PEX2: variants seen among roughly 807,000 people sequenced by gnomAD.
PEX2 encodes the protein peroxisomal biogenesis factor 2.
Under a neutral mutation model 25.2 loss-of-function variants are expected in PEX2, and 19 were observed. The ratio of observed to expected loss-of-function variants is 0.75; its 90% confidence interval spans 0.53 to 1.10. The LOEUF (loss-of-function observed/expected upper bound fraction) is 1.10. Ranked by LOEUF, PEX2 falls within the 50% of genes least tolerant of loss-of-function variation. The probability of loss-of-function intolerance (pLI) is 0.00; values close to 1 mark genes in which losing one functional copy is unlikely to be tolerated. For missense variants in PEX2, 347 were observed against 350.6 expected (o/e 0.99, Z 0.08); for synonymous variants, 141 against 127.7 (o/e 1.10, Z -0.70).
chr8:77,000,468 G>GGCGGCGAGACGCCTCCGCGCC (rs1271822947), upstream of PEX2, among the ~76,000 whole-genome samples: 5 of 152,114 alleles, frequency 3.3e-5, no homozygotes, highest in Middle Eastern at 3.4e-3. Context: ...GCCGCCGGGT[G>GGCGGCGAGACGCCTCCGCGCC]GCGGCGAGAC....
intron 1 of PEX2, among the ~76,000 whole-genome samples, chr8:76,990,688 T>G (rs1240016396): frequency 6.6e-6 from 1 of 152,160 alleles, no homozygotes; most frequent in Non-Finnish European, 1.5e-5. Context: ...GATACAGTTC[T>G]TGGTGCCCCA....
chr8:76,985,065 A>G (rs926687950), intron 3 of PEX2, among the ~76,000 whole-genome samples: 2 of 152,004 alleles, frequency 1.3e-5, no homozygotes, highest in East Asian at 1.9e-4. Context: ...TATTATAAAT[A>G]TGTATTATGT....
chr8:76,984,228 AAG>A lies in PEX2; in HGVS notation c.-17-35_-17-34del, dbSNP rs777009969. 1.3e-5 allele frequency: 21 copies of A among 1,565,602 alleles called. No individual in the cohort carries two copies. In the African/African-American group the frequency reaches 2.7e-4, roughly 20 times the overall value. On this transcript the variant is annotated intron_variant, in intron 3 of 3. Coordinates refer to ENST00000357039, the MANE Select transcript of PEX2 (RefSeq NM_000318.3). ...AAAATACAATTGAAGAACATTAGCAAAGAGTTGCAATCTTGTACAACCTCCTC... is the reference window on the plus strand; with the variant it reads ...AAAATACAATTGAAGAACATTAGCAAAGTTGCAATCTTGTACAACCTCCTC...
chr8:76,996,097 G>T lies in PEX2; in HGVS notation c.-160+3893C>A, dbSNP rs779781186. ...GAGCAGGACACAGGAGACAGAGACA[G>T]TATTCATGGAGAGTAACAGTAAACC... is the stretch of plus-strand genomic sequence containing the variant. On this transcript the variant is annotated intron_variant, in intron 1 of 3. Transcript: ENST00000357039. Among the ~76,000 whole-genome samples, 3 of 152,136 alleles carry T rather than the reference G, an allele frequency of 2.0e-5. No individual in the cohort carries two copies. In the East Asian group the frequency reaches 5.8e-4, roughly 29 times the overall value.
chr8:77,000,259 C>T (rs914712918), upstream of PEX2: 5 of 302,890 alleles, frequency 1.7e-5, no homozygotes, highest in Non-Finnish European at 3.2e-5. Flanking sequence ...AAAGCCGAAG[C>T]GGACACCCGC....
At chr8:77,000,908 G>A (rs1807495611), upstream of PEX2, 1 of 152,252 alleles carries the variant, frequency 6.6e-6, no homozygotes, top group South Asian at 2.1e-4. Context: ...AGCCGTTGAG[G>A]ATCGCCACTG....
intron 1 of PEX2, among the ~76,000 whole-genome samples, chr8:76,994,801 G>A (rs558517471): frequency 6.6e-6 from 1 of 152,126 alleles, no homozygotes; most frequent in South Asian, 2.1e-4. Flanking sequence ...ATGAGACCAC[G>A]TTCATTGTTT....
intron 3 of PEX2, among the ~76,000 whole-genome samples, chr8:76,985,705 C>T (rs1256267854): frequency 6.6e-6 from 1 of 152,118 alleles, no homozygotes; most frequent in Non-Finnish European, 1.5e-5. Context: ...AGCCAATACC[C>T]TAACAGAAAG....
chr8:76,993,405 T>A (rs1563611374), intron 1 of PEX2, among the ~76,000 whole-genome samples: 1 of 152,206 alleles, frequency 6.6e-6, no homozygotes, highest in South Asian at 2.1e-4. Context: ...TTTAACTTAC[T>A]TAAGAACCAT....
intron 2 of PEX2, among the ~76,000 whole-genome samples, chr8:76,987,413 G>C (rs1807037674): frequency 6.6e-6 from 1 of 152,116 alleles, no homozygotes; most frequent in Admixed American, 6.5e-5. Flanking sequence ...AGGTACTAAG[G>C]ACTAGAGGTG....
At chr8:76,999,657 G>C (rs1203783747) in intron 1 of PEX2, 2 of 363,994 alleles carry the variant, frequency 5.5e-6, no homozygotes, top group East Asian at 7.3e-5. Context: ...GTTTATAAGA[G>C]GTAAATATCT....
intron 1 of PEX2, among the ~76,000 whole-genome samples, chr8:76,994,461 T>C (rs1807264073): frequency 6.6e-6 from 1 of 152,180 alleles, no homozygotes; most frequent in Non-Finnish European, 1.5e-5. Flanking sequence ...GGGGATAACA[T>C]GGATTTTAGC....
chr8:76,990,684 G>C lies in PEX2; in HGVS notation c.-159-2346C>G, dbSNP rs116692157. Among the ~76,000 whole-genome samples the C allele has an allele frequency of 9.2e-3, 1,404 of 152,102 alleles. 14 individuals carry two copies. The highest frequency in any genetic ancestry group is 0.033 in the African/African-American group (1,349 of 41,442). ...AAGTTCACCATCTTATATGGATACA[G>C]TTCTTGGTGCCCCAGAATATTTATA... On this transcript the variant is annotated intron_variant, in intron 1 of 3. Transcript: ENST00000357039.
At chr8:76,992,281 GAAGTA>G (rs1286039029) in intron 1 of PEX2, among the ~76,000 whole-genome samples, 3 of 152,140 alleles carry the variant, frequency 2.0e-5, no homozygotes, top group Non-Finnish European at 1.5e-5. Flanking sequence ...CTGTTATCTT[GAAGTA>G]AAGAAACCTC....
At chr8:77,000,737 C>T (rs1301264650), upstream of PEX2, 2 of 152,464 alleles carry the variant, frequency 1.3e-5, no homozygotes, top group East Asian at 1.9e-4. Context: ...TAGAGCGGGC[C>T]AGCGCGCGCC....
In PEX2 at chr8:76,982,444, A is replaced by C. The variant is rs1806858203; in HGVS notation, c.*817T>G. ...AAGTAATTTTTACTTTCTGAATATAAAGCCAACTGTGGAGGGGTCAGACAG... is the reference window on the plus strand; with the variant it reads ...AAGTAATTTTTACTTTCTGAATATACAGCCAACTGTGGAGGGGTCAGACAG... On this transcript the variant is annotated 3_prime_UTR_variant, in exon 4 of 4. Transcript: ENST00000357039. 6.6e-6 allele frequency: 1 copy of C among 152,326 alleles called. No homozygotes were observed. Among genetic ancestry groups the C allele is most frequent in the South Asian group, 2.1e-4 (1 of 4,830 alleles). The allele number at this position is 152,326 out of a possible 1,614,324, so 9.4% of individuals were successfully genotyped here.
Position 76,990,300 on chromosome 8 carries a change from A to T in PEX2, c.-159-1962T>A, listed in dbSNP as rs550074382. On this transcript the variant is annotated intron_variant, in intron 1 of 3. Coordinates refer to ENST00000357039, the MANE Select transcript of PEX2 (RefSeq NM_000318.3). ...TTGATCTTCTATCTAGACCACTAAA[A>T]CTTGTCCCACATCATCAGCAATAAG... 4.6e-5 allele frequency among the ~76,000 whole-genome samples: 7 copies of T among 152,234 alleles called. No individual in the cohort carries two copies. In the South Asian group the frequency reaches 1.4e-3, roughly 32 times the overall value.
chr8:76,994,511 T>C (rs1418507893), intron 1 of PEX2, among the ~76,000 whole-genome samples: 2 of 152,152 alleles, frequency 1.3e-5, no homozygotes, highest in East Asian at 3.9e-4. Context: ...CTGCTATCAA[T>C]ATACACATTA....
At chr8:77,000,677 T>G (rs966816688), upstream of PEX2, among the ~76,000 whole-genome samples, 2 of 152,096 alleles carry the variant, frequency 1.3e-5, no homozygotes, top group Non-Finnish European at 1.5e-5. Context: ...GGAAGGCAGG[T>G]AGCTGGCCCG....
Sources: allele counts gnomAD v4.1 joint callset (sites outside exome capture counted in the v4.1 genomes callset), GRCh38; gene constraint gnomAD v4.1.1; transcripts MANE v1.5; gene names NCBI Gene and HGNC (gene_info 2026-07-23, HGNC 2026-07-21).